The following FAT1 variants were observed in gnomAD, a reference collection of about 807,000 sequenced individuals.
FAT1 encodes the protein FAT atypical cadherin 1.
FAT1 carries 171 observed loss-of-function variants against 329.8 expected under a neutral mutation model. The observed-to-expected ratio is 0.52, with a 90% CI of 0.46 to 0.59. The LOEUF (loss-of-function observed/expected upper bound fraction) is 0.59. Ranked by LOEUF, FAT1 falls within the 20% of genes least tolerant of loss-of-function variation. FAT1 has a pLI of 0.00. For synonymous variants in FAT1, 2,233 were observed against 2,228.6 expected, an observed-to-expected ratio of 1.00 and a Z score of -0.06; for missense variants, 5,672 against 5,774.4, an observed-to-expected ratio of 0.98 and a Z score of 0.57.
Position 186,628,274 on chromosome 4 carries a change from C to T in FAT1, c.4690G>A (p.Ala1564Thr), listed in dbSNP as rs2304867. 0.042 allele frequency: 67,445 copies of T among 1,613,598 alleles called. 3,090 individuals are homozygous for T. The highest frequency in any genetic ancestry group is 0.2 in the Admixed American group (11,903 of 59,912). Residue 1564 changes from alanine to threonine, a missense_variant, in exon 9 of 27, where the codon GCT becomes ACT. By Grantham distance (58) the Ala-to-Thr change is moderately conservative. This residue lies in a region of FAT1 where 3,966 missense variants were observed against 3,915.2 expected (regional missense o/e 1.01). Transcript: ENST00000441802. ...DTNDHAPWFT[A>T]SSYKGRVYES... ...TAAACCCGCCCTTTGTAGGAGGAAG[C>T]GGTGAACCACGGGGCGTGGTCATTC...
rs542476412 is a variant in FAT1 at position 186,669,798 on chromosome 4, G to A, written c.3266-6185C>T. Among the ~76,000 whole-genome samples, 6 of 152,258 alleles carry A rather than the reference G, an allele frequency of 3.9e-5. No individual in the cohort carries two copies. The South Asian group carries it at 6.2e-4, about 16-fold the overall frequency. Reference sequence around the variant, plus strand: ...TTAATGTCCACTTACTTAACTAAACGGATACTGACGTTGTCTTTCCACAGC... The same window carrying A: ...TTAATGTCCACTTACTTAACTAAACAGATACTGACGTTGTCTTTCCACAGC... On this transcript the variant is annotated intron_variant, in intron 2 of 26. Coordinates refer to ENST00000441802, the MANE Select transcript of FAT1 (RefSeq NM_005245.4).
chr4:186,629,354 C>G (rs994086896), intron 7 of FAT1, among the ~76,000 whole-genome samples: 1 of 152,030 alleles, frequency 6.6e-6, no homozygotes, highest in African/African-American at 2.4e-5. Context: ...TCCCTAAAAC[C>G]AATTTAGTCA....
intron 2 of FAT1, among the ~76,000 whole-genome samples, chr4:186,684,674 A>C (rs1743382148): frequency 1.2e-4 from 1 of 8,584 alleles, no homozygotes; most frequent in South Asian, 6.6e-3. Context: ...AAGAGGGAAA[A>C]AAAAAAAAAC....
rs112206163 is a variant in FAT1, at chr4:186,620,865, A to G, written c.5721T>C (p.Asp1907=). 8.1e-6 allele frequency: 13 copies of G among 1,614,042 alleles called. No individual in the cohort carries two copies. The African/African-American group carries it at 9.3e-5, about 12-fold the overall frequency. The change falls in exon 10 of 27, where the codon GAT becomes GAC. Residue 1907 remains aspartate, a synonymous_variant. Transcript: ENST00000441802. The part of the protein sequence containing the change: ...KVITVNATDA[D]SSAFSQLIYS... ...AAATCAACTGTGAGAATGCACTTGA[A>G]TCAGCATCTGTAGCATTTACTGTGA...
In FAT1 at chr4:186,709,044, A is replaced by C. The variant is rs373932048; in HGVS notation, c.784T>G (p.Leu262Val). The C allele has an allele frequency of 1.2e-6, 2 of 1,613,920 alleles. No individual in the cohort carries two copies. Among genetic ancestry groups the C allele is most frequent in the Non-Finnish European group, 1.7e-6 (2 of 1,179,864 alleles). Residue 262 changes from leucine (L) to valine (V), a missense_variant, in exon 2 of 27, where the codon TTG becomes GTG. Physicochemically the swap from Leu to Val is conservative, Grantham distance 32 (BLOSUM62 1). This residue lies in a region of FAT1 where 3,966 missense variants were observed against 3,915.2 expected (regional missense o/e 1.01). Transcript: ENST00000441802. ...ECAPVITAVT[L>V]SPSELDRDPA... The stretch of plus-strand genomic sequence containing the variant: ...TCCCTGTCCAGTTCTGATGGTGACA[A>C]TGTCACTGCTGTTATCACCGGAGCA...
At chr4:186,666,120 G>A (rs1742426478) in intron 2 of FAT1, among the ~76,000 whole-genome samples, 1 of 151,540 alleles carries the variant, frequency 6.6e-6, no homozygotes, top group Non-Finnish European at 1.5e-5. Context: ...CACCAACATG[G>A]CACATGTATA....
intron 16 of FAT1, 135 bp downstream of exon 16, chr4:186,609,048 A>G (rs1001924403): frequency 7.4e-6 from 6 of 815,000 alleles, no homozygotes; most frequent in African/African-American, 6.9e-5. Context: ...TTGCTTTTCG[A>G]GTGTTTACAT....
intron 3 of FAT1, among the ~76,000 whole-genome samples, chr4:186,656,800 C>T (rs1308983817): frequency 2.0e-5 from 3 of 152,150 alleles, no homozygotes; most frequent in African/African-American, 7.2e-5. Flanking sequence ...TCAGTTTTTA[C>T]TCCAAGACAC....
intron 22 of FAT1, chr4:186,598,804 A>G (rs1202029323): frequency 6.6e-6 from 1 of 152,332 alleles, no homozygotes; most frequent in Non-Finnish European, 1.5e-5. Flanking sequence ...GATTTAAGAA[A>G]GGAGATCATC....
At chr4:186,647,280 C>A (rs908350761) in intron 3 of FAT1, among the ~76,000 whole-genome samples, 1 of 152,182 alleles carries the variant, frequency 6.6e-6, no homozygotes, top group South Asian at 2.1e-4. Context: ...CTGGGGTAGG[C>A]ATTTTATATG....
chr4:186,720,690 G>A (rs778659299), intron 1 of FAT1, among the ~76,000 whole-genome samples: 36 of 152,122 alleles, frequency 2.4e-4, no homozygotes, highest in Non-Finnish European at 2.8e-4. Context: ...ATCAGACTAC[G>A]AGCTGCTTGA....
chr4:186,720,291 C>G (rs1023148991), intron 1 of FAT1, among the ~76,000 whole-genome samples: 2 of 152,188 alleles, frequency 1.3e-5, no homozygotes, highest in African/African-American at 4.8e-5. Flanking sequence ...TTCTTTTTCT[C>G]TCTCCTTAAC....
Position 186,706,686 on chromosome 4 carries a change from G to C in FAT1, c.3142C>G (p.Pro1048Ala), listed in dbSNP as rs768527817. The change falls in exon 2 of 27, where the codon CCT (proline) becomes GCT (alanine). Residue 1048 changes from proline to alanine, a missense_variant. By Grantham distance (27) the Pro-to-Ala change is conservative. Around this residue, in one of 2 missense-constraint regions of FAT1, gnomAD observed 3,966 missense variants for 3,915.2 expected, o/e 1.01. Coordinates refer to ENST00000441802, the MANE Select transcript of FAT1 (RefSeq NM_005245.4). ...VEKGTVKEDA[P>A]VGSLVMTVSA... Reference sequence around the variant, plus strand: ...ACCGTCATTACCAATGAACCAACAGGTGCATCTTCTTTCACTGTCCCCTTT... The same window carrying C: ...ACCGTCATTACCAATGAACCAACAGCTGCATCTTCTTTCACTGTCCCCTTT... 9 of 1,613,962 alleles carry C rather than the reference G, an allele frequency of 5.6e-6. No homozygotes were observed. In the Admixed American group the frequency reaches 1.5e-4, roughly 27 times the overall value.
chr4:186,598,043 G>C lies in FAT1; in HGVS notation c.12186C>G (p.Leu4062=), dbSNP rs143744017. The C allele has an allele frequency of 2.5e-4, 396 of 1,613,930 alleles. No individual in the cohort carries two copies. The African/African-American group carries it at 4.7e-3, about 19-fold the overall frequency. ...SVNPCSSKPC[L]YGGTCVVDNG... is the part of the protein sequence containing the mutation. ...TGTCGACAACACACGTGCCCCCATA[G>C]AGGCATGGCTTGGAGGAACACGGAT... The change falls in exon 23 of 27, where the codon CTC becomes CTG. Residue 4062 remains leucine, a synonymous_variant. Transcript: ENST00000441802.
rs1744685308 is a variant in FAT1, at chr4:186,707,420, G to C, written c.2408C>G (p.Ala803Gly). 1 of 1,613,908 alleles carries C rather than the reference G, an allele frequency of 6.2e-7. No individual in the cohort carries two copies. Among genetic ancestry groups the C allele is most frequent in the Non-Finnish European group, 8.5e-7 (1 of 1,179,900 alleles). The change falls in exon 2 of 27, where the codon GCT becomes GGT. Residue 803 changes from alanine to glycine, a missense_variant. Ala to Gly is a moderately conservative substitution (Grantham distance 60, BLOSUM62 0). Around this residue, in one of 2 missense-constraint regions of FAT1, gnomAD observed 3,966 missense variants for 3,915.2 expected, o/e 1.01. Coordinates refer to ENST00000441802, the MANE Select transcript of FAT1 (RefSeq NM_005245.4). ...CACGACATGTAGAAGACGCCACGCA[G>C]CCTTCTGGGGTATCCCAAGGTCATA... ...TVYDLGIPQK[A>G]AWRLLHVVVV...
chr4:186,590,305 G>T, intron 26 of FAT1: 1 of 1,109,450 alleles, frequency 9.0e-7, no homozygotes. Flanking sequence ...AGTCAGCACT[G>T]GGGCAAGGCT....
chr4:186,641,505 C>CA (rs1741094578), intron 3 of FAT1, among the ~76,000 whole-genome samples: 1 of 152,140 alleles, frequency 6.6e-6, no homozygotes, highest in East Asian at 1.9e-4. Flanking sequence ...TGTAATGTGT[C>CA]CACCAAGAAG....
chr4:186,658,065 C>A (rs1174138046), intron 3 of FAT1, among the ~76,000 whole-genome samples: 2 of 152,198 alleles, frequency 1.3e-5, no homozygotes, highest in Non-Finnish European at 2.9e-5. Flanking sequence ...CCACCTTGAG[C>A]AAGTGCTCAA....
rs1291174340 is a variant in FAT1 at position 186,706,725 on chromosome 4, A to G, written c.3103T>C (p.Ser1035Pro). Residue 1035 changes from serine (S) to proline (P), a missense_variant, in exon 2 of 27, where the codon TCC (serine) becomes CCC (proline). Coordinates refer to ENST00000441802, the MANE Select transcript of FAT1 (RefSeq NM_005245.4). ...VNENLHPPVFSSFVEKGTVKE... is the reference protein window; with the variant it reads ...VNENLHPPVFPSFVEKGTVKE... ...ACTGTCCCCTTTTCCACAAAGCTGG[A>G]AAACACGGGTGGGTGCAGGTTCTCA... 4.4e-5 allele frequency: 71 copies of G among 1,613,854 alleles called. No homozygotes were observed. The highest frequency in any genetic ancestry group is 5.8e-5 in the Non-Finnish European group (69 of 1,179,904).
Sources: gnomAD v4.1 joint callset for allele counts (sites outside exome capture counted in the v4.1 genomes callset) on GRCh38, gnomAD v4.1.1 for gene constraint, gnomAD v4.1.1 regional missense constraint, MANE v1.5 for transcripts, NCBI Gene and HGNC (gene_info 2026-07-23, HGNC 2026-07-21) for gene names.